ABHD2: variants seen among roughly 807,000 people sequenced by gnomAD.
The protein encoded by ABHD2 is monoacylglycerol lipase ABHD2.
A neutral mutation model predicts 48.1 loss-of-function variants in ABHD2; 20 were observed. The ratio of observed to expected loss-of-function variants is 0.42; its 90% confidence interval spans 0.29 to 0.60. ABHD2 has a LOEUF of 0.60. Among genes scored for constraint, ABHD2 ranks in the 20% least tolerant of loss-of-function variants. The probability of loss-of-function intolerance (pLI) is 0.24; values close to 1 mark genes in which losing one functional copy is unlikely to be tolerated. For synonymous variants in ABHD2, 209 were observed against 214.2 expected (o/e 0.98, Z 0.21); for missense variants, 405 against 550.9 (o/e 0.74, Z 2.65).
At chr15:89,156,510 G>A (rs79955841) in intron 5 of ABHD2, among the ~76,000 whole-genome samples, 1 of 152,096 alleles carries the variant, frequency 6.6e-6, no homozygotes, top group Admixed American at 6.6e-5. Flanking sequence ...ACTTTAGGAG[G>A]CTGAGGCAGG....
Position 89,092,367 on chromosome 15 carries a change from A to AT in ABHD2, c.-107+3806dup, listed in dbSNP as rs1901630835. On this transcript the variant is annotated intron_variant, in intron 1 of 10. Coordinates refer to ENST00000352732, the MANE Select transcript of ABHD2 (RefSeq NM_152924.5). This position sits in a 1 kb window ranked among gnomAD's most constrained non-coding sequence, Gnocchi z 4.4. The stretch of plus-strand genomic sequence containing the variant: ...AGTGGAGGTTCATTAAGTTCAACAA[A>AT]TTAAGCATCTGGTGTGTGCCAGGAA... Among the ~76,000 whole-genome samples, 1 of 152,252 alleles carries AT rather than the reference A, an allele frequency of 6.6e-6. No homozygotes were observed. Among genetic ancestry groups the AT allele is most frequent in the Non-Finnish European group, 1.5e-5 (1 of 68,046 alleles).
the ABHD2 span, among the ~76,000 whole-genome samples, chr15:89,068,609 T>A: frequency 6.6e-6 from 1 of 152,072 alleles, no homozygotes; most frequent in East Asian, 1.9e-4. Flanking sequence ...CAAGGGAAGG[T>A]GTCCCGAGAA....
intron 4 of ABHD2, among the ~76,000 whole-genome samples, chr15:89,152,077 G>GTTTTTTTTTTTTTTTTTTTTTTTTT (rs34458230): frequency 2.1e-5 from 3 of 139,888 alleles, no homozygotes; most frequent in African/African-American, 7.9e-5. Flanking sequence ...TTGTAGAATA[G>GTTTTTTTTTTTTTTTTTTTTTTTTT]TTTTTTTTTT....
chr15:89,195,577 C>G lies in ABHD2; in HGVS notation c.*154C>G, dbSNP rs1390090664. 3 of 753,524 alleles carry G rather than the reference C, an allele frequency of 4.0e-6. No homozygotes were observed. The highest frequency in any genetic ancestry group is 6.1e-6 in the Non-Finnish European group (3 of 489,054). The allele number at this position is 753,524 out of a possible 1,614,324, so 46.7% of individuals were successfully genotyped here. A position where few individuals can be genotyped will look rare whatever the true frequency, so the allele number is the denominator to read the frequency against. On this transcript the variant is annotated 3_prime_UTR_variant, in exon 11 of 11. Transcript: ENST00000352732. The surrounding 1 kb of genome is among the most constrained non-coding windows in gnomAD (Gnocchi z 5.1). ...CCATGCACACCTGTCTCGGAGTAGG[C>G]AGCTCTTCCTGGGAGCTCCAGGCTA...
rs1189682738 is a variant in ABHD2 at position 89,100,468 on chromosome 15, C to T, written c.-107+11905C>T. Among the ~76,000 whole-genome samples the T allele has an allele frequency of 6.6e-6, 1 of 152,096 alleles. No homozygotes were observed. Among genetic ancestry groups the T allele is most frequent in the Non-Finnish European group, 1.5e-5 (1 of 68,002 alleles). On this transcript the variant is annotated intron_variant, in intron 1 of 10. Coordinates refer to ENST00000352732, the MANE Select transcript of ABHD2 (RefSeq NM_152924.5). This position sits in a 1 kb window ranked among gnomAD's most constrained non-coding sequence, Gnocchi z 4.4. ...AGGTCAAATCTGTCTGTGTCCAGATCCTGCAAGTAGCCTCTCTACCCCACC... is the reference window on the plus strand; with the variant it reads ...AGGTCAAATCTGTCTGTGTCCAGATTCTGCAAGTAGCCTCTCTACCCCACC...
chr15:89,164,562 A>G lies in ABHD2; in HGVS notation c.538+9028A>G, dbSNP rs2050809197. On this transcript the variant is annotated intron_variant, in intron 5 of 10. Transcript: ENST00000352732. This position sits in a 1 kb window ranked among gnomAD's most constrained non-coding sequence, Gnocchi z 5.0. ...AGCACTTTGGGACGCCCAGGCTGGC[A>G]GATCACTTGAGCCCAGGAGTTTGAG... Among the ~76,000 whole-genome samples the G allele has an allele frequency of 6.6e-6, 1 of 152,120 alleles. No individual in the cohort carries two copies. Among genetic ancestry groups the G allele is most frequent in the African/African-American group, 2.4e-5 (1 of 41,430 alleles).
In ABHD2 at chr15:89,151,715, T is replaced by A; in HGVS notation, c.233T>A (p.Ile78Asn). ...PPLIWGKSGHIQTALYGKMGR... is the reference protein window; with the variant it reads ...PPLIWGKSGHNQTALYGKMGR... ...TTGATCTGGGGGAAAAGTGGACACA[T>A]CCAGACAGCCTTGTATGGGAAGATG... Residue 78 changes from isoleucine (I) to asparagine (N), a missense_variant, in exon 4 of 11, where the codon ATC (isoleucine) becomes AAC (asparagine). Transcript: ENST00000352732. The surrounding 1 kb of genome is among the most constrained non-coding windows in gnomAD (Gnocchi z 4.7). 6.2e-7 allele frequency: 1 copy of A among 1,614,192 alleles called. No homozygotes were observed. The highest frequency in any genetic ancestry group is 8.5e-7 in the Non-Finnish European group (1 of 1,180,016).
chr15:89,155,687 G>T lies in ABHD2; in HGVS notation c.538+153G>T, dbSNP rs1419914860. Among the ~76,000 whole-genome samples, 1 of 152,154 alleles carries T rather than the reference G, an allele frequency of 6.6e-6. No individual in the cohort carries two copies. Among genetic ancestry groups the T allele is most frequent in the Admixed American group, 6.5e-5 (1 of 15,268 alleles). The stretch of plus-strand genomic sequence containing the variant: ...TATATCAACAGCCAACTTGTACTGG[G>T]CATTGATGATGCCATGCCTCACACC... On this transcript the variant is annotated intron_variant, in intron 5 of 10. Transcript: ENST00000352732. This position sits in a 1 kb window ranked among gnomAD's most constrained non-coding sequence, Gnocchi z 4.9.
chr15:89,201,914 CA>C lies in ABHD2; in HGVS notation c.*6493del, dbSNP rs2051470159. On this transcript the variant is annotated 3_prime_UTR_variant, in exon 11 of 11. Transcript: ENST00000352732. ...CTCCTTTTCCTGGTTAGACTCTGTT[CA>C]ACCACATTCTTATGTTGGCAGATCT... 1 of 579,452 alleles carries C rather than the reference CA, an allele frequency of 1.7e-6. No individual in the cohort carries two copies. Among genetic ancestry groups the C allele is most frequent in the African/African-American group, 1.9e-5 (1 of 52,940 alleles). The allele number at this position is 579,452 out of a possible 1,614,324, so 35.9% of individuals were successfully genotyped here. A position where few individuals can be genotyped will look rare whatever the true frequency, so the allele number is the denominator to read the frequency against.
the ABHD2 span, among the ~76,000 whole-genome samples, chr15:89,047,682 G>A: frequency 7.3e-5 from 11 of 151,156 alleles, no homozygotes; most frequent in African/African-American, 2.7e-4. Context: ...GATCTTTGTT[G>A]GTTTAAAGTC....
intron 3 of ABHD2, among the ~76,000 whole-genome samples, chr15:89,150,407 A>G (rs574917481): frequency 5.9e-5 from 9 of 152,176 alleles, no homozygotes; most frequent in Non-Finnish European, 1.0e-4. Flanking sequence ...TAATCCACTC[A>G]GCTCTTATAA....
rs974595749 is a variant in ABHD2, at chr15:89,189,406, T to G, written c.926+1103T>G. 6.6e-6 allele frequency among the ~76,000 whole-genome samples: 1 copy of G among 151,806 alleles called. No individual in the cohort carries two copies. Among genetic ancestry groups the G allele is most frequent in the Non-Finnish European group, 1.5e-5 (1 of 67,986 alleles). On this transcript the variant is annotated intron_variant, in intron 8 of 10. Coordinates refer to ENST00000352732, the MANE Select transcript of ABHD2 (RefSeq NM_152924.5). The surrounding 1 kb of genome is among the most constrained non-coding windows in gnomAD (Gnocchi z 4.9). ...TGCTTAGGAGGCTGAGACAGGAGGATCACTTGAGCTCATAAGTTTGAGATT... is the reference window on the plus strand; with the variant it reads ...TGCTTAGGAGGCTGAGACAGGAGGAGCACTTGAGCTCATAAGTTTGAGATT...
the ABHD2 span, among the ~76,000 whole-genome samples, chr15:89,045,269 T>C: frequency 6.6e-6 from 1 of 151,970 alleles, no homozygotes; most frequent in Non-Finnish European, 1.5e-5. Flanking sequence ...TCTATATCTC[T>C]GTTTTGGTAC....
intron 3 of ABHD2, among the ~76,000 whole-genome samples, chr15:89,143,375 A>T (rs902364617): frequency 1.3e-4 from 20 of 152,194 alleles, no homozygotes; most frequent in Admixed American, 2.0e-4. Context: ...TTCATTTTTT[A>T]AAAAAAGTGT....
Position 89,151,945 on chromosome 15 carries a change from AC to A in ABHD2, c.370+94del, listed in dbSNP as rs1432985705. 25 of 1,472,406 alleles carry A rather than the reference AC, an allele frequency of 1.7e-5. No individual in the cohort carries two copies. Among genetic ancestry groups the A allele is most frequent in the Non-Finnish European group, 2.2e-5 (24 of 1,095,862 alleles). The allele number at this position is 1,472,406 out of a possible 1,614,324, so 91.2% of individuals were successfully genotyped here. On this transcript the variant is annotated intron_variant, in intron 4 of 10. Transcript: ENST00000352732. This position sits in a 1 kb window ranked among gnomAD's most constrained non-coding sequence, Gnocchi z 4.7. Reference sequence around the variant, plus strand: ...AGCAGTGTGAATACTTGTGCCACTGACTCTGCCCATGGCATCAGGGGCTGTT... The same window carrying A: ...AGCAGTGTGAATACTTGTGCCACTGATCTGCCCATGGCATCAGGGGCTGTT...
In ABHD2 at chr15:89,201,006, C is replaced by G; in HGVS notation, c.*5583C>G. The G allele has an allele frequency of 1.4e-5, 8 of 561,174 alleles. No individual in the cohort carries two copies. The highest frequency in any genetic ancestry group is 2.5e-5 in the Non-Finnish European group (8 of 317,746). 34.8% of individuals were successfully genotyped at this position (561,174 alleles called of 1,614,324 possible). A position where few individuals can be genotyped will look rare whatever the true frequency, so the allele number is the denominator to read the frequency against. On this transcript the variant is annotated 3_prime_UTR_variant, in exon 11 of 11. Transcript: ENST00000352732. ...CTGAGGTGGGAGAATTGCTTGAACC[C>G]AGGAGACGGAGGTTGCAGTGAGCCG...
At chr15:89,136,692 T>C (rs2050318889) in intron 3 of ABHD2, among the ~76,000 whole-genome samples, 1 of 152,356 alleles carries the variant, frequency 6.6e-6, no homozygotes, top group Non-Finnish European at 1.5e-5. Flanking sequence ...AGCGTGTTCT[T>C]AAAAGAGCAT....
At chr15:89,142,435 T>C (rs142880982) in intron 3 of ABHD2, among the ~76,000 whole-genome samples, 363 of 152,346 alleles carry the variant, frequency 2.4e-3, no homozygotes, top group African/African-American at 8.4e-3. Flanking sequence ...TTAATGTTTC[T>C]GAAGTTGCAA....
At chr15:89,163,315 T>G (rs2050790133) in intron 5 of ABHD2, among the ~76,000 whole-genome samples, 1 of 152,260 alleles carries the variant, frequency 6.6e-6, no homozygotes, top group South Asian at 2.1e-4. Context: ...GCACAGAATT[T>G]CCTAAATGGA....
Sources: allele counts gnomAD v4.1 joint callset (sites outside exome capture counted in the v4.1 genomes callset), GRCh38; gene constraint gnomAD v4.1.1; non-coding constraint Gnocchi (gnomAD v3.1); transcripts MANE v1.5; gene names NCBI Gene and HGNC (gene_info 2026-07-23, HGNC 2026-07-21).